The following KANSL1L variants were observed in gnomAD, a reference collection of about 807,000 sequenced individuals.
KANSL1L encodes KAT8 regulatory NSL complex subunit 1 like.
A neutral mutation model predicts 108.6 loss-of-function variants in KANSL1L; 25 were observed. That is an observed-to-expected ratio of 0.23 (90% CI 0.17 to 0.32). The LOEUF (loss-of-function observed/expected upper bound fraction) is 0.32, where lower values mean the gene tolerates loss of function less well. Ranked by LOEUF, KANSL1L falls within the 10% of genes least tolerant of loss-of-function variation. KANSL1L has a pLI of 1.00. For missense variants in KANSL1L, 1,137 were observed against 1,125.7 expected, an observed-to-expected ratio of 1.01 and a Z score of -0.14; for synonymous variants, 405 against 395.1, an observed-to-expected ratio of 1.03 and a Z score of -0.30.
chr2:210,127,009 G>T (rs1330078052), intron 3 of KANSL1L, among the ~76,000 whole-genome samples: 2 of 151,534 alleles, frequency 1.3e-5, no homozygotes, highest in Non-Finnish European at 2.9e-5. Flanking sequence ...GCCTGGTCTT[G>T]AATATAGTGA....
intron 6 of KANSL1L, among the ~76,000 whole-genome samples, chr2:210,052,671 T>A (rs527473753): frequency 6.6e-6 from 1 of 152,326 alleles, no homozygotes; most frequent in Admixed American, 6.5e-5. Flanking sequence ...CAGCATTAGT[T>A]AACATTTACA....
intron 4 of KANSL1L, among the ~76,000 whole-genome samples, chr2:210,101,774 T>C (rs1419500295): frequency 6.6e-6 from 1 of 152,180 alleles, no homozygotes; most frequent in Non-Finnish European, 1.5e-5. Flanking sequence ...CTCTGGGCAA[T>C]TATAAATTTA....
intron 3 of KANSL1L, among the ~76,000 whole-genome samples, chr2:210,125,590 C>T (rs1173639512): frequency 6.6e-6 from 1 of 152,136 alleles, no homozygotes; most frequent in Non-Finnish European, 1.5e-5. Flanking sequence ...AAGCCAAATT[C>T]ATCACCATAT....
intron 4 of KANSL1L, 29 bp from the exon 5 acceptor site, chr2:210,098,236 C>T (rs747675135): frequency 3.1e-6 from 5 of 1,599,436 alleles, no homozygotes; most frequent in Non-Finnish European, 4.3e-6. Context: ...CCTTTTACTA[C>T]TGCTAAGCAA....
At chr2:210,119,942 AT>A (rs2094998416) in intron 3 of KANSL1L, among the ~76,000 whole-genome samples, 1 of 152,204 alleles carries the variant, frequency 6.6e-6, no homozygotes, top group Non-Finnish European at 1.5e-5. Flanking sequence ...CTACAGGGCT[AT>A]TGGAACCAAA....
chr2:210,064,409 T>C (rs2094447886), intron 6 of KANSL1L: 1 of 152,188 alleles, frequency 6.6e-6, no homozygotes, highest in African/African-American at 2.4e-5. Context: ...TAACAATCTA[T>C]GCTTTTTATT....
chr2:210,093,608 C>T (rs1279309432), intron 5 of KANSL1L, among the ~76,000 whole-genome samples: 1 of 152,186 alleles, frequency 6.6e-6, no homozygotes, highest in Non-Finnish European at 1.5e-5. Context: ...GCTTTGCTTA[C>T]TTTTTGAGCT....
At chr2:210,050,201 A>T (rs1353161005) in intron 6 of KANSL1L, among the ~76,000 whole-genome samples, 1 of 152,210 alleles carries the variant, frequency 6.6e-6, no homozygotes, top group Non-Finnish European at 1.5e-5. Flanking sequence ...AAACAACACC[A>T]GGCAAATTTA....
At chr2:210,031,607 C>CA in intron 8 of KANSL1L, 61 bp from the exon 9 acceptor site, 1 of 1,094,606 alleles carries the variant, frequency 9.1e-7, no homozygotes, top group East Asian at 2.8e-5. Context: ...GTGAACATGT[C>CA]AATCTGTTTT....
chr2:210,070,861 T>G (rs950393240), intron 6 of KANSL1L, among the ~76,000 whole-genome samples: 2 of 152,156 alleles, frequency 1.3e-5, no homozygotes, highest in Non-Finnish European at 2.9e-5. Flanking sequence ...AAAAATTTTT[T>G]TAAATAAAAC....
chr2:210,059,266 C>A (rs755925680), intron 6 of KANSL1L, among the ~76,000 whole-genome samples: 2 of 152,196 alleles, frequency 1.3e-5, no homozygotes, highest in Non-Finnish European at 2.9e-5. Context: ...GCATGAGAGG[C>A]CACAATGAGA....
rs574685452 is a variant in KANSL1L at position 210,033,099 on chromosome 2, C to T, written c.2030-1553G>A. ...ATAGAAAATATGGAGGGAAAAAGAC[C>T]GCAATGGGGTAACAAGATGAGACTA... On this transcript the variant is annotated intron_variant, in intron 8 of 14. Coordinates refer to ENST00000281772, the MANE Select transcript of KANSL1L (RefSeq NM_152519.4). Among the ~76,000 whole-genome samples the T allele has an allele frequency of 5.9e-5, 9 of 152,076 alleles. No homozygotes were observed. The South Asian group carries it at 6.2e-4, about 11-fold the overall frequency.
At chr2:210,118,593 T>TCC (rs1228083366) in intron 3 of KANSL1L, among the ~76,000 whole-genome samples, 1 of 151,880 alleles carries the variant, frequency 6.6e-6, no homozygotes, top group African/African-American at 2.4e-5. Context: ...GTACCTGTAA[T>TCC]CCCAGCACTT....
chr2:210,161,058 G>A (rs2095358887), intron 1 of KANSL1L, among the ~76,000 whole-genome samples: 1 of 147,622 alleles, frequency 6.8e-6, no homozygotes, highest in South Asian at 2.1e-4. Context: ...GCGTGATCTC[G>A]GCTCACCGCA....
intron 14 of KANSL1L, 38 bp from the exon 15 acceptor site, chr2:210,023,217 C>T: frequency 6.8e-7 from 1 of 1,464,810 alleles, no homozygotes; most frequent in Non-Finnish European, 9.6e-7. Context: ...TTTCAACTAA[C>T]TTGTTTTGTT....
At chr2:210,149,734 T>C (rs548814833) in intron 2 of KANSL1L, among the ~76,000 whole-genome samples, 2 of 152,164 alleles carry the variant, frequency 1.3e-5, no homozygotes, top group East Asian at 3.9e-4. Context: ...TGTCATTTGC[T>C]CTCAATATTT....
intron 5 of KANSL1L, among the ~76,000 whole-genome samples, chr2:210,090,382 G>C (rs908759145): frequency 1.3e-5 from 2 of 151,998 alleles, no homozygotes; most frequent in African/African-American, 4.8e-5. Flanking sequence ...TGTAGAACTT[G>C]GATTAGAGGG....
At chr2:210,052,844 G>A (rs2094308199) in intron 6 of KANSL1L, among the ~76,000 whole-genome samples, 1 of 152,188 alleles carries the variant, frequency 6.6e-6, no homozygotes, top group Non-Finnish European at 1.5e-5. Flanking sequence ...AAGAAGGAAA[G>A]ACATAATAAG....
chr2:210,145,917 G>C (rs1175683001), intron 2 of KANSL1L, among the ~76,000 whole-genome samples: 1 of 152,068 alleles, frequency 6.6e-6, no homozygotes, highest in African/African-American at 2.4e-5. Context: ...GGCAGTGGAA[G>C]CTCTGGAGTC....
Sources: allele counts gnomAD v4.1 joint callset (sites outside exome capture counted in the v4.1 genomes callset), GRCh38; gene constraint gnomAD v4.1.1; transcripts MANE v1.5; gene names NCBI Gene and HGNC (gene_info 2026-07-23, HGNC 2026-07-21).